Variants in MNAT1 observed in about 807,000 individuals in gnomAD.
MNAT1 encodes the protein CDK-activating kinase assembly factor MAT1.
Under a neutral mutation model 42.0 loss-of-function variants are expected in MNAT1, and 43 were observed. That is an observed-to-expected ratio of 1.02 (90% CI 0.80 to 1.32). The LOEUF is 1.32. Among genes scored for constraint, MNAT1 ranks in the 40% most tolerant of loss-of-function variants. The pLI, the probability that MNAT1 is intolerant of heterozygous loss-of-function variation, is 0.00. For missense variants in MNAT1, 306 were observed against 350.4 expected (o/e 0.87, Z 1.01); for synonymous variants, 118 against 120.0 (o/e 0.98, Z 0.11).
At chr14:60,798,211 C>A in intron 3 of MNAT1, 51 bp downstream of exon 3, 1 of 929,598 alleles carries the variant, frequency 1.1e-6, no homozygotes, top group Non-Finnish European at 1.7e-6. Flanking sequence ...GTGCTTTTAT[C>A]TTTTAAATGC....
At chr14:60,861,525 A>G (rs1034631006) in intron 6 of MNAT1, among the ~76,000 whole-genome samples, 2 of 151,474 alleles carry the variant, frequency 1.3e-5, no homozygotes, top group Non-Finnish European at 2.9e-5. Flanking sequence ...GGTTTTTTTC[A>G]CCATTAAAAA....
At chr14:60,746,919 TATATAC>T (rs1896642650) in intron 1 of MNAT1, among the ~76,000 whole-genome samples, 1 of 26,404 alleles carries the variant, frequency 3.8e-5, no homozygotes, top group African/African-American at 1.3e-4. Flanking sequence ...TATATATATA[TATATAC>T]ACACACACAC....
chr14:60,741,136 G>T (rs777590245), intron 1 of MNAT1, among the ~76,000 whole-genome samples: 54 of 152,052 alleles, frequency 3.6e-4, no homozygotes, highest in Non-Finnish European at 7.1e-4. Context: ...TTTTCCTGAA[G>T]ATTCTGTCTG....
In MNAT1 at chr14:60,740,985, C is replaced by G. The variant is rs1292004721; in HGVS notation, c.89+6034C>G. Among the ~76,000 whole-genome samples the G allele has an allele frequency of 6.6e-6, 1 of 152,110 alleles. No individual in the cohort carries two copies. Among genetic ancestry groups the G allele is most frequent in the Non-Finnish European group, 1.5e-5 (1 of 68,016 alleles). ...TACTCCACTATGATTATAGATTTGT[C>G]AGTTTTTCTTGTAAGTTTTGTCATA... On this transcript the variant is annotated intron_variant, in intron 1 of 7. Transcript: ENST00000261245. The surrounding 1 kb of genome is among the most constrained non-coding windows in gnomAD (Gnocchi z 4.1).
chr14:60,795,800 T>G (rs2031995718), intron 1 of MNAT1, among the ~76,000 whole-genome samples: 2 of 152,108 alleles, frequency 1.3e-5, no homozygotes, highest in Non-Finnish European at 2.9e-5. Context: ...AAAACATCTG[T>G]TTTAGTGCTT....
Position 60,812,110 on chromosome 14 carries a change from G to A in MNAT1, c.544G>A (p.Ala182Thr), listed in dbSNP as rs759376354. ...QQILKRKNKQ[A>T]FLDELESSDL... ...GATTCTAAAAAGGAAGAATAAGCAG[G>A]CTTTTTTAGATGAGCTGGTATGTAT... is the stretch of plus-strand genomic sequence containing the variant. The change falls in exon 5 of 8, where the codon GCT becomes ACT. Residue 182 changes from alanine (A) to threonine (T), a missense_variant. This residue lies in a region of MNAT1 where 118 missense variants were observed against 99.8 expected (regional missense o/e 1.18). Transcript: ENST00000261245. 21 of 1,581,284 alleles carry A rather than the reference G, an allele frequency of 1.3e-5. No homozygotes were observed. Among genetic ancestry groups the A allele is most frequent in the Non-Finnish European group, 1.8e-5 (21 of 1,168,462 alleles).
In MNAT1 at chr14:60,794,249, T is replaced by G. The variant is rs1287685687; in HGVS notation, c.90-1968T>G. On this transcript the variant is annotated intron_variant, in intron 1 of 7. Coordinates refer to ENST00000261245, the MANE Select transcript of MNAT1 (RefSeq NM_002431.4). Reference sequence around the variant, plus strand: ...AATTTCCTCTAACCACAAAGAATAGTGAAAATGCACCACTCTGAAACTTCC... The same window carrying G: ...AATTTCCTCTAACCACAAAGAATAGGGAAAATGCACCACTCTGAAACTTCC... Among the ~76,000 whole-genome samples, 4 of 152,108 alleles carry G rather than the reference T, an allele frequency of 2.6e-5. No homozygotes were observed. The South Asian group carries it at 6.2e-4, about 24-fold the overall frequency.
At chr14:60,878,527 G>C (rs927615071) in intron 6 of MNAT1, among the ~76,000 whole-genome samples, 12 of 152,104 alleles carry the variant, frequency 7.9e-5, no homozygotes, top group Non-Finnish European at 1.5e-4. Flanking sequence ...GTGGGGAAAG[G>C]ACTCTGGTGA....
intron 1 of MNAT1, chr14:60,780,097 T>A (rs1254105498): frequency 2.1e-6 from 3 of 1,462,022 alleles, no homozygotes; most frequent in Non-Finnish European, 2.9e-6. Flanking sequence ...TTTATCCATC[T>A]GAAATCTTTA....
chr14:60,940,688 A>ATT (rs1304363976), intron 7 of MNAT1, among the ~76,000 whole-genome samples: 2 of 152,186 alleles, frequency 1.3e-5, no homozygotes, highest in African/African-American at 4.8e-5. Flanking sequence ...AAGTGCTGGA[A>ATT]TTACAGCCGT....
At chr14:60,860,304 A>G (rs1418439483) in intron 6 of MNAT1, among the ~76,000 whole-genome samples, 5 of 140,624 alleles carry the variant, frequency 3.6e-5, no homozygotes, top group Admixed American at 3.5e-4. Flanking sequence ...CTTTAAATTT[A>G]TTTATTTAAT....
intron 6 of MNAT1, among the ~76,000 whole-genome samples, chr14:60,819,181 T>TA (rs2032807360): frequency 6.6e-6 from 1 of 152,112 alleles, no homozygotes; most frequent in Non-Finnish European, 1.5e-5. Context: ...AAAGCAAATG[T>TA]ATCAATTAGT....
Position 60,780,446 on chromosome 14 carries a change from A to T in MNAT1, c.90-15771A>T, listed in dbSNP as rs180686686. On this transcript the variant is annotated intron_variant, in intron 1 of 7. Transcript: ENST00000261245. ...TTGTTCATTTGATCTGCTGATTTAC[A>T]CAGACAAAGATTTGGTTGTACCTGA... is the stretch of plus-strand genomic sequence containing the variant. The T allele has an allele frequency of 1.9e-3, 2,989 of 1,543,084 alleles. 8 individuals are homozygous for T. Among genetic ancestry groups the T allele is most frequent in the Non-Finnish European group, 2.5e-3 (2,761 of 1,114,722 alleles).
chr14:60,845,639 G>C (rs1004718958), intron 6 of MNAT1, among the ~76,000 whole-genome samples: 9 of 152,066 alleles, frequency 5.9e-5, no homozygotes, highest in African/African-American at 2.2e-4. Context: ...TTTTAGAATA[G>C]TTTATCACCT....
chr14:60,785,604 T>C (rs1272338074), intron 1 of MNAT1, among the ~76,000 whole-genome samples: 1 of 152,228 alleles, frequency 6.6e-6, no homozygotes, highest in African/African-American at 2.4e-5. Flanking sequence ...ATTCTCTGTA[T>C]GGATCTTCTG....
chr14:60,945,247 GT>G (rs759325724), intron 7 of MNAT1, among the ~76,000 whole-genome samples: 1 of 151,230 alleles, frequency 6.6e-6, no homozygotes, highest in East Asian at 1.9e-4. Flanking sequence ...AGCACTTTCA[GT>G]TTTTTTTCTA....
At chr14:60,900,171 G>A (rs914587405) in intron 7 of MNAT1, among the ~76,000 whole-genome samples, 2 of 152,018 alleles carry the variant, frequency 1.3e-5, no homozygotes, top group Admixed American at 1.3e-4. Context: ...GTGTTCAAGT[G>A]AGAGGAAGGG....
chr14:60,949,295 G>A (rs2036338694), intron 7 of MNAT1, among the ~76,000 whole-genome samples: 1 of 152,100 alleles, frequency 6.6e-6, no homozygotes, highest in Non-Finnish European at 1.5e-5. Context: ...TGTGTGGCCT[G>A]TTTTGAACCT....
intron 7 of MNAT1, among the ~76,000 whole-genome samples, chr14:60,904,958 T>C (rs1376190708): frequency 7.4e-6 from 1 of 134,826 alleles, no homozygotes; most frequent in Non-Finnish European, 1.6e-5. Context: ...GAGAAAACAA[T>C]AGATTGTTCA....
Sources: gnomAD v4.1 joint callset for allele counts (sites outside exome capture counted in the v4.1 genomes callset) on GRCh38, gnomAD v4.1.1 for gene constraint, gnomAD v4.1.1 regional missense constraint, Gnocchi (gnomAD v3.1) non-coding constraint, MANE v1.5 for transcripts, NCBI Gene and HGNC (gene_info 2026-07-23, HGNC 2026-07-21) for gene names.